The following RAD51B variants were observed in gnomAD, a reference collection of about 807,000 sequenced individuals.
RAD51B encodes RAD51 paralog B.
A neutral mutation model predicts 42.2 loss-of-function variants in RAD51B; 38 were observed. That is an observed-to-expected ratio of 0.90 (90% confidence interval 0.70 to 1.18). RAD51B has a LOEUF of 1.18. Among genes scored for constraint, RAD51B ranks in the 50% most tolerant of loss-of-function variants. The pLI is 0.00. For missense variants in RAD51B, 373 were observed against 400.7 expected (o/e 0.93, Z 0.59); for synonymous variants, 154 against 145.2 (o/e 1.06, Z -0.43).
intron 7 of RAD51B, among the ~76,000 whole-genome samples, chr14:68,141,749 A>G (rs2078133613): frequency 6.6e-6 from 1 of 152,220 alleles, no homozygotes; most frequent in South Asian, 2.1e-4. Context: ...GATAGATCAA[A>G]TTTCCTATGA....
At chr14:67,851,857 GT>G (rs1669137872) in intron 4 of RAD51B, among the ~76,000 whole-genome samples, 1 of 152,018 alleles carries the variant, frequency 6.6e-6, no homozygotes, top group Non-Finnish European at 1.5e-5. Flanking sequence ...AAGTGATTAT[GT>G]GGGGGTAGGG....
At chr14:67,957,478 G>A (rs1448440780) in intron 7 of RAD51B, among the ~76,000 whole-genome samples, 1 of 152,122 alleles carries the variant, frequency 6.6e-6, no homozygotes, top group Non-Finnish European at 1.5e-5. Context: ...TATATCTGTG[G>A]ATCCTACAGT....
chr14:68,390,394 C>A (rs1042501080), intron 8 of RAD51B, among the ~76,000 whole-genome samples: 1 of 152,144 alleles, frequency 6.6e-6, no homozygotes, highest in Non-Finnish European at 1.5e-5. Flanking sequence ...TCATCCTTAC[C>A]CATTTAGGAT....
chr14:68,281,612 G>C (rs1213953902), intron 7 of RAD51B, among the ~76,000 whole-genome samples: 1 of 152,142 alleles, frequency 6.6e-6, no homozygotes, highest in African/African-American at 2.4e-5. Flanking sequence ...TCTGCATTGA[G>C]GATCAGCTAA....
intron 7 of RAD51B, among the ~76,000 whole-genome samples, chr14:67,956,665 TAAAC>T (rs2074553964): frequency 6.6e-6 from 1 of 152,216 alleles, no homozygotes; most frequent in South Asian, 2.1e-4. Flanking sequence ...ATCAATATAT[TAAAC>T]AATATAATCA....
At chr14:68,441,804 G>A (rs1487520584) in intron 9 of RAD51B, among the ~76,000 whole-genome samples, 1 of 152,178 alleles carries the variant, frequency 6.6e-6, no homozygotes, top group Non-Finnish European at 1.5e-5. Context: ...TGAAGAAGAA[G>A]CAATGCCATG....
At chr14:68,422,146 C>A in intron 9 of RAD51B, 1 of 1,362,726 alleles carries the variant, frequency 7.3e-7, no homozygotes, top group Non-Finnish European at 1.1e-6. Context: ...AGACATGGCC[C>A]AAGGGCTCGC....
chr14:68,459,971 C>G (rs1330284271), intron 9 of RAD51B, among the ~76,000 whole-genome samples: 1 of 152,156 alleles, frequency 6.6e-6, no homozygotes, highest in Admixed American at 6.5e-5. Context: ...GACTGGTGTA[C>G]AGGAAGCCTT....
At chr14:68,156,199 A>G (rs1042505993) in intron 7 of RAD51B, among the ~76,000 whole-genome samples, 1 of 152,166 alleles carries the variant, frequency 6.6e-6, no homozygotes, top group Admixed American at 6.5e-5. Context: ...ACAATTTGCT[A>G]TGTCATCACT....
chr14:67,851,101 AG>A (rs1723343291), intron 4 of RAD51B, among the ~76,000 whole-genome samples: 1 of 152,062 alleles, frequency 6.6e-6, no homozygotes, highest in Admixed American at 6.5e-5. Context: ...GGGCCTCTGC[AG>A]GGGTGTGTTG....
chr14:68,073,636 G>A (rs555093238), intron 7 of RAD51B, among the ~76,000 whole-genome samples: 1 of 152,210 alleles, frequency 6.6e-6, no homozygotes, highest in East Asian at 1.9e-4. Context: ...TTGTATTTGA[G>A]TATATTTTTG....
intron 3 of RAD51B, among the ~76,000 whole-genome samples, chr14:67,828,814 T>TTTTTTC (rs1019608764): frequency 3.9e-5 from 6 of 152,148 alleles, no homozygotes; most frequent in Non-Finnish European, 7.4e-5. Context: ...GCGGTCTTAT[T>TTTTTTC]TCTGAGTTCT....
chr14:68,630,936 T>A (rs1892214038), intron 10 of RAD51B, among the ~76,000 whole-genome samples: 1 of 152,186 alleles, frequency 6.6e-6, no homozygotes, highest in Admixed American at 6.5e-5. Flanking sequence ...TTTTCTGGCA[T>A]TTTGGCCCTA....
chr14:67,968,107 G>T (rs551225039), intron 7 of RAD51B, among the ~76,000 whole-genome samples: 2 of 152,172 alleles, frequency 1.3e-5, no homozygotes, highest in South Asian at 4.1e-4. Context: ...GAAACTATGC[G>T]CTGAGCTGTA....
At chr14:67,821,242 G>T (rs1257989938) in intron 1 of RAD51B, among the ~76,000 whole-genome samples, 7 of 152,148 alleles carry the variant, frequency 4.6e-5, no homozygotes, top group African/African-American at 1.7e-4. Flanking sequence ...GTATTCAAAG[G>T]GGAGGGAATA....
chr14:67,900,758 A>G (rs1201849561), intron 7 of RAD51B, among the ~76,000 whole-genome samples: 1 of 152,072 alleles, frequency 6.6e-6, no homozygotes, highest in Non-Finnish European at 1.5e-5. Context: ...TGAAATTGTT[A>G]TAATATGAAG....
intron 8 of RAD51B, among the ~76,000 whole-genome samples, chr14:68,344,830 C>T (rs1024345470): frequency 2.0e-5 from 3 of 150,092 alleles, no homozygotes; most frequent in Non-Finnish European, 4.4e-5. Flanking sequence ...GCCTGTAGTC[C>T]CAGCTACTCG....
chr14:68,013,284 C>T (rs956371928), intron 7 of RAD51B, among the ~76,000 whole-genome samples: 5 of 152,118 alleles, frequency 3.3e-5, no homozygotes, highest in Non-Finnish European at 1.5e-5. Context: ...GAAAGATAGG[C>T]AGAAGCTATA....
chr14:68,613,583 A>G (rs565401839), downstream of RAD51B, among the ~76,000 whole-genome samples: 1 of 151,636 alleles, frequency 6.6e-6, no homozygotes, highest in East Asian at 2.0e-4. Context: ...CTTCCTGAGT[A>G]GCTGGGACTA....
Sources: gnomAD v4.1 joint callset for allele counts (sites outside exome capture counted in the v4.1 genomes callset) on GRCh38, gnomAD v4.1.1 for gene constraint, MANE v1.5 for transcripts, NCBI Gene and HGNC (gene_info 2026-07-23, HGNC 2026-07-21) for gene names.